The following NRCAM variants were observed in gnomAD, a reference collection of about 807,000 sequenced individuals.
The protein encoded by NRCAM is neuronal cell adhesion molecule.
Under a neutral mutation model 156.5 loss-of-function variants are expected in NRCAM, and 83 were observed. The observed-to-expected ratio is 0.53, with a 90% confidence interval of 0.44 to 0.64. The LOEUF (loss-of-function observed/expected upper bound fraction) is 0.64. NRCAM is among the 30% of genes least tolerant of loss of function. The pLI is 0.00. For missense variants in NRCAM, 1,417 were observed against 1,597.3 expected (o/e 0.89, Z 1.92); for synonymous variants, 538 against 563.9 (o/e 0.95, Z 0.65).
intron 2 of NRCAM, among the ~76,000 whole-genome samples, chr7:108,320,707 A>G (rs931515077): frequency 6.6e-6 from 1 of 152,240 alleles, no homozygotes; most frequent in Non-Finnish European, 1.5e-5. Flanking sequence ...TACAAATTTG[A>G]TTAGTATCTA....
chr7:108,335,461 A>ATTTTTTTTTTTTTTTTTTTTTTTTTGTTT (rs2099173387), intron 2 of NRCAM, among the ~76,000 whole-genome samples: 1 of 25,548 alleles, frequency 3.9e-5, no homozygotes, highest in African/African-American at 1.5e-4. Flanking sequence ...TTTTTTTTTC[A>ATTTTTTTTTTTTTTTTTTTTTTTTTGTTT]GTTTTCACTG....
chr7:108,170,185 T>C (rs2057585223), intron 28 of NRCAM, among the ~76,000 whole-genome samples: 1 of 152,016 alleles, frequency 6.6e-6, no homozygotes, highest in Admixed American at 6.6e-5. Flanking sequence ...TATATATATA[T>C]ATTTACACAA....
chr7:108,344,491 A>C (rs2099329778), intron 2 of NRCAM, among the ~76,000 whole-genome samples: 2 of 77,854 alleles, frequency 2.6e-5, no homozygotes, highest in African/African-American at 8.1e-5. Context: ...CTTGCAACTG[A>C]AAAAAAACCC....
chr7:108,207,430 C>T, intron 13 of NRCAM, 98 bp downstream of exon 13: 2 of 1,316,140 alleles, frequency 1.5e-6, no homozygotes, highest in Non-Finnish European at 2.1e-6. Flanking sequence ...GGCTTCCTTC[C>T]TTAACCTGAG....
chr7:108,351,279 T>C (rs1332738836), intron 2 of NRCAM, among the ~76,000 whole-genome samples: 2 of 152,206 alleles, frequency 1.3e-5, no homozygotes, highest in Non-Finnish European at 2.9e-5. Flanking sequence ...GACCTTGGAC[T>C]TCCTAGGCTC....
At chr7:108,300,115 T>C (rs2098558070) in intron 3 of NRCAM, among the ~76,000 whole-genome samples, 1 of 151,286 alleles carries the variant, frequency 6.6e-6, no homozygotes, top group Admixed American at 6.6e-5. Context: ...TGTTAAGATA[T>C]TACTGCCTAC....
At chr7:108,160,794 C>A (rs2048454458) in intron 30 of NRCAM, among the ~76,000 whole-genome samples, 2 of 152,112 alleles carry the variant, frequency 1.3e-5, no homozygotes. Flanking sequence ...AAAACAAATT[C>A]CCAAACCAAT....
At chr7:108,299,645 G>C (rs1349467386) in intron 3 of NRCAM, among the ~76,000 whole-genome samples, 1 of 152,218 alleles carries the variant, frequency 6.6e-6, no homozygotes, top group Non-Finnish European at 1.5e-5. Flanking sequence ...AACCTTGACA[G>C]TCTTTAGATT....
At chr7:108,327,134 T>C (rs1232746527) in intron 2 of NRCAM, among the ~76,000 whole-genome samples, 4 of 152,160 alleles carry the variant, frequency 2.6e-5, no homozygotes, top group Admixed American at 6.6e-5. Context: ...ATCCAGCACA[T>C]GGAGCCAACA....
At chr7:108,182,500 A>C (rs923994632) in intron 23 of NRCAM, among the ~76,000 whole-genome samples, 195 bp downstream of exon 23, 1 of 152,246 alleles carries the variant, frequency 6.6e-6, no homozygotes, top group Admixed American at 6.5e-5. Context: ...GTGGATACCA[A>C]GGGACAACTA....
At chr7:108,283,088 C>G (rs954589688) in intron 3 of NRCAM, among the ~76,000 whole-genome samples, 5 of 151,950 alleles carry the variant, frequency 3.3e-5, no homozygotes, top group African/African-American at 1.2e-4. Flanking sequence ...TTAAAACTGT[C>G]TAAGAAAATG....
chr7:108,285,664 A>C (rs2098068836), intron 3 of NRCAM, among the ~76,000 whole-genome samples: 3 of 152,244 alleles, frequency 2.0e-5, no homozygotes, highest in African/African-American at 7.2e-5. Flanking sequence ...GAATTGTCTA[A>C]AAGCATTGGG....
At chr7:108,206,913 C>T (rs2153566582) in intron 13 of NRCAM, among the ~76,000 whole-genome samples, 1 of 152,126 alleles carries the variant, frequency 6.6e-6, no homozygotes, top group East Asian at 1.9e-4. Flanking sequence ...CCAGGATGCC[C>T]AGGTGCTGCT....
intron 32 of NRCAM, among the ~76,000 whole-genome samples, chr7:108,153,350 A>G (rs1478756400): frequency 6.6e-6 from 1 of 152,190 alleles, no homozygotes; most frequent in Non-Finnish European, 1.5e-5. Context: ...AAAATATGAT[A>G]ATCTCAGTAA....
intron 2 of NRCAM, among the ~76,000 whole-genome samples, chr7:108,333,722 A>G (rs2099149898): frequency 6.6e-6 from 1 of 152,192 alleles, no homozygotes; most frequent in Non-Finnish European, 1.5e-5. Context: ...ACCCCTAAAC[A>G]CCTATTGTTC....
chr7:108,257,443 C>T (rs1379691631), intron 3 of NRCAM, among the ~76,000 whole-genome samples: 1 of 152,190 alleles, frequency 6.6e-6, no homozygotes, highest in African/African-American at 2.4e-5. Flanking sequence ...GCCTTTGCCC[C>T]GGGTAAGTGC....
intron 32 of NRCAM, among the ~76,000 whole-genome samples, chr7:108,150,508 A>G (rs1291738556): frequency 2.6e-5 from 4 of 152,216 alleles, no homozygotes; most frequent in Non-Finnish European, 5.9e-5. Flanking sequence ...GCAAAAGCTT[A>G]TGGCAAGTAA....
At chr7:108,364,952 T>C (rs1396827528) in intron 2 of NRCAM, among the ~76,000 whole-genome samples, 1 of 152,144 alleles carries the variant, frequency 6.6e-6, no homozygotes, top group Admixed American at 6.5e-5. Flanking sequence ...CTTTCAAAGG[T>C]GAAATGTATC....
chr7:108,217,819 C>G (rs1163412747), intron 11 of NRCAM, among the ~76,000 whole-genome samples: 1 of 152,170 alleles, frequency 6.6e-6, no homozygotes, highest in African/African-American at 2.4e-5. Flanking sequence ...TGTTGGCAGC[C>G]AGAATTTCAA....
Sources: allele counts gnomAD v4.1 joint callset (sites outside exome capture counted in the v4.1 genomes callset), GRCh38; gene constraint gnomAD v4.1.1; transcripts MANE v1.5; gene names NCBI Gene and HGNC (gene_info 2026-07-23, HGNC 2026-07-21).